The following FRMD4A variants were observed in gnomAD, a reference collection of about 807,000 sequenced individuals.
FRMD4A encodes FERM domain-containing protein 4A.
Under a neutral mutation model 129.1 loss-of-function variants are expected in FRMD4A, and 29 were observed. That is an observed-to-expected ratio of 0.22 (90% CI 0.17 to 0.31). The LOEUF is 0.31. Among genes scored for constraint, FRMD4A ranks in the 10% least tolerant of loss-of-function variants. FRMD4A has a pLI of 1.00. For synonymous variants in FRMD4A, 634 were observed against 571.6 expected (o/e 1.11, Z -1.56); for missense variants, 1,272 against 1,375.8 (o/e 0.92, Z 1.19).
intron 2 of FRMD4A, among the ~76,000 whole-genome samples, chr10:13,885,248 G>A (rs2094605668): frequency 6.6e-6 from 1 of 152,170 alleles, no homozygotes; most frequent in African/African-American, 2.4e-5. Context: ...CATACTTTTT[G>A]AGAGTTAGGC....
At chr10:13,939,438 T>C (rs773704781) in intron 2 of FRMD4A, among the ~76,000 whole-genome samples, 2 of 152,228 alleles carry the variant, frequency 1.3e-5, no homozygotes, top group Admixed American at 6.5e-5. Context: ...ATGCTTGACA[T>C]GCTTCCCTGG....
At chr10:13,697,155 T>A (rs2086301456) in intron 14 of FRMD4A, among the ~76,000 whole-genome samples, 2 of 141,768 alleles carry the variant, frequency 1.4e-5, no homozygotes, top group African/African-American at 5.6e-5. Flanking sequence ...CTACTGGATT[T>A]TTTTTTTTTT....
At chr10:13,848,610 G>A (rs1271791631) in intron 3 of FRMD4A, among the ~76,000 whole-genome samples, 1 of 32,826 alleles carries the variant, frequency 3.0e-5, no homozygotes, top group Non-Finnish European at 7.5e-5. Context: ...GTGTGTGTAC[G>A]TGTGTGTGTG....
intron 2 of FRMD4A, among the ~76,000 whole-genome samples, chr10:14,107,219 G>C (rs1329750057): frequency 1.3e-5 from 2 of 152,090 alleles, no homozygotes; most frequent in Non-Finnish European, 2.9e-5. Context: ...AGAGGGAAGG[G>C]ACAAGGGTTG....
chr10:14,275,674 C>T (rs1191759768), intron 2 of FRMD4A, among the ~76,000 whole-genome samples: 3 of 152,172 alleles, frequency 2.0e-5, no homozygotes, highest in African/African-American at 7.2e-5. Flanking sequence ...TGGTTAACTG[C>T]AAGCATCTCT....
chr10:13,662,314 C>T (rs571311991), intron 19 of FRMD4A, among the ~76,000 whole-genome samples: 17 of 152,210 alleles, frequency 1.1e-4, no homozygotes, highest in Non-Finnish European at 2.1e-4. Flanking sequence ...GTAAATAATC[C>T]GCCAGACTTT....
intron 2 of FRMD4A, among the ~76,000 whole-genome samples, chr10:13,958,649 G>A (rs2095426275): frequency 6.7e-6 from 1 of 149,552 alleles, no homozygotes. Context: ...GCAATGGCAT[G>A]ATCTCGGCTC....
At chr10:14,080,681 G>A (rs540342277) in intron 2 of FRMD4A, among the ~76,000 whole-genome samples, 11 of 152,080 alleles carry the variant, frequency 7.2e-5, no homozygotes, top group Non-Finnish European at 1.2e-4. Context: ...TTGCAGATGA[G>A]GAAACTGAAG....
intron 2 of FRMD4A, among the ~76,000 whole-genome samples, chr10:14,172,324 A>G (rs1841519963): frequency 6.6e-6 from 1 of 152,190 alleles, no homozygotes; most frequent in South Asian, 2.1e-4. Context: ...TTCCATGTTT[A>G]TTAGACAATA....
In FRMD4A at chr10:13,698,521, AG is replaced by A. The variant is rs562883029; in HGVS notation, c.975+2818del. ...AAAGGTGTTGTAATGTAATTCCCAAAGGGTACGTCATCATCTCTGATTTAAT... is the reference window on the plus strand; with the variant it reads ...AAAGGTGTTGTAATGTAATTCCCAAAGGTACGTCATCATCTCTGATTTAAT... On this transcript the variant is annotated intron_variant, in intron 14 of 24. Transcript: ENST00000357447. Among the ~76,000 whole-genome samples the A allele has an allele frequency of 2.6e-5, 4 of 152,222 alleles. No individual in the cohort carries two copies. In the South Asian group the frequency reaches 8.3e-4, roughly 32 times the overall value.
At chr10:13,739,822 A>C (rs567756878) in intron 11 of FRMD4A, among the ~76,000 whole-genome samples, 8 of 152,212 alleles carry the variant, frequency 5.3e-5, no homozygotes, top group Non-Finnish European at 1.0e-4. Context: ...AATGAGGGCC[A>C]GGCGCGGTGG....
intron 2 of FRMD4A, among the ~76,000 whole-genome samples, chr10:14,232,685 A>G (rs750604997): frequency 8.5e-5 from 13 of 152,106 alleles, no homozygotes; most frequent in Non-Finnish European, 1.5e-4. Flanking sequence ...TTTTATTGCA[A>G]TTGTGAATGG....
At chr10:14,022,380 G>C (rs1419278085) in intron 2 of FRMD4A, among the ~76,000 whole-genome samples, 1 of 152,154 alleles carries the variant, frequency 6.6e-6, no homozygotes, top group East Asian at 1.9e-4. Context: ...GTTTGGAGTG[G>C]GGAACTCACA....
intron 2 of FRMD4A, among the ~76,000 whole-genome samples, chr10:14,187,695 C>T (rs1481821140): frequency 1.3e-5 from 2 of 152,110 alleles, no homozygotes; most frequent in East Asian, 1.9e-4. Flanking sequence ...GTGGGAGGAT[C>T]GCCTGAGCCT....
Position 13,909,170 on chromosome 10 carries a change from T to C in FRMD4A, c.46-50258A>G, listed in dbSNP as rs11813513. 4.4e-3 allele frequency among the ~76,000 whole-genome samples: 663 copies of C among 152,380 alleles called. 2 individuals carry two copies. Among genetic ancestry groups the C allele is most frequent in the African/African-American group, 0.015 (641 of 41,586 alleles). On this transcript the variant is annotated intron_variant, in intron 2 of 24. Transcript: ENST00000357447. ...CTTTGCAGGCAGGATTTTTGTTTTG[T>C]CTTCTGCTATGTGAGACACAGTATG...
chr10:14,099,306 A>T (rs907438935), intron 2 of FRMD4A, among the ~76,000 whole-genome samples: 2 of 152,128 alleles, frequency 1.3e-5, no homozygotes, highest in African/African-American at 4.8e-5. Flanking sequence ...GTCTCAATTT[A>T]TAGGGCAGAG....
chr10:13,667,300 G>T (rs1296172347), intron 17 of FRMD4A: 2 of 152,258 alleles, frequency 1.3e-5, no homozygotes, highest in African/African-American at 4.8e-5. Flanking sequence ...GCCCTTCAAG[G>T]GGCACAAATG....
chr10:13,659,051 C>G (rs1426344418), intron 21 of FRMD4A, among the ~76,000 whole-genome samples: 3 of 152,174 alleles, frequency 2.0e-5, no homozygotes, highest in Non-Finnish European at 4.4e-5. Flanking sequence ...ACCCAGCCAG[C>G]CTCTGTGGCC....
At chr10:13,999,859 C>T (rs939344655) in intron 2 of FRMD4A, among the ~76,000 whole-genome samples, 53 of 152,294 alleles carry the variant, frequency 3.5e-4, no homozygotes, top group African/African-American at 1.2e-3. Flanking sequence ...TGTTCGTCTG[C>T]ATACAAGCAC....
Sources: gnomAD v4.1 joint callset for allele counts (sites outside exome capture counted in the v4.1 genomes callset) on GRCh38, gnomAD v4.1.1 for gene constraint, MANE v1.5 for transcripts, NCBI Gene and HGNC (gene_info 2026-07-23, HGNC 2026-07-21) for gene names.